The following MIPOL1 variants were observed in gnomAD, a reference collection of about 807,000 sequenced individuals.
MIPOL1 encodes the protein mirror-image polydactyly 1, also known as mirror-image polydactyly gene 1 protein.
MIPOL1 carries 57 observed loss-of-function variants against 60.9 expected under a neutral mutation model. The ratio of observed to expected loss-of-function variants is 0.94; its 90% CI spans 0.76 to 1.17. The LOEUF (loss-of-function observed/expected upper bound fraction) is 1.17, where lower values mean the gene tolerates loss of function less well. Among genes scored for constraint, MIPOL1 ranks in the 50% most tolerant of loss-of-function variants. The pLI, the probability that MIPOL1 is intolerant of heterozygous loss-of-function variation, is 0.00. For missense variants in MIPOL1, 551 were observed against 511.6 expected (o/e 1.08, Z -0.74); for synonymous variants, 179 against 168.8 (o/e 1.06, Z -0.47).
At chr14:37,241,108 T>C (rs1251817488) in intron 1 of MIPOL1, among the ~76,000 whole-genome samples, 2 of 152,128 alleles carry the variant, frequency 1.3e-5, no homozygotes, top group African/African-American at 4.8e-5. Flanking sequence ...GGAGAGCTGA[T>C]GGTATATTTC....
chr14:37,481,563 ACACACAC>A (rs2094867378), intron 11 of MIPOL1, among the ~76,000 whole-genome samples: 1 of 51,270 alleles, frequency 2.0e-5, no homozygotes, highest in African/African-American at 5.9e-5. Context: ...CCCCCCCAAC[ACACACAC>A]ACACACACAC....
chr14:37,516,557 T>G (rs2095370766), intron 12 of MIPOL1, among the ~76,000 whole-genome samples: 1 of 152,196 alleles, frequency 6.6e-6, no homozygotes, highest in Admixed American at 6.5e-5. Context: ...ATTCTCAGAA[T>G]AGAACTTTTT....
chr14:37,277,565 G>A (rs2083770550), intron 6 of MIPOL1: 1 of 151,054 alleles, frequency 6.6e-6, no homozygotes, highest in Non-Finnish European at 1.5e-5. Flanking sequence ...TAGTAATCGA[G>A]GGTTTTTTAA....
chr14:37,294,177 C>T (rs1403247551), intron 7 of MIPOL1, among the ~76,000 whole-genome samples: 1 of 152,200 alleles, frequency 6.6e-6, no homozygotes, highest in Non-Finnish European at 1.5e-5. Flanking sequence ...GCAGCCACCA[C>T]TGCTGATACC....
chr14:37,268,869 C>A (rs2083078199), intron 5 of MIPOL1, 76 bp downstream of exon 5: 1 of 1,199,998 alleles, frequency 8.3e-7, no homozygotes, highest in Admixed American at 2.9e-5. Context: ...TGTTGCCCAT[C>A]ATAATTCAGT....
At chr14:37,337,382 T>G (rs1291781520) in intron 9 of MIPOL1, among the ~76,000 whole-genome samples, 1 of 108,422 alleles carries the variant, frequency 9.2e-6, no homozygotes, top group Non-Finnish European at 1.9e-5. Flanking sequence ...TTTTTTTTTT[T>G]TTTTGAGACA....
At chr14:37,227,586 T>A (rs1286596968) in intron 1 of MIPOL1, 3 of 152,194 alleles carry the variant, frequency 2.0e-5, no homozygotes, top group African/African-American at 4.8e-5. Flanking sequence ...TGTTGACATT[T>A]GTTGTTATTG....
At chr14:37,220,169 C>T (rs1484921163) in intron 1 of MIPOL1, among the ~76,000 whole-genome samples, 1 of 152,028 alleles carries the variant, frequency 6.6e-6, no homozygotes, top group Non-Finnish European at 1.5e-5. Context: ...AAGTGTTCGT[C>T]ACATAATTAG....
chr14:37,338,413 C>G (rs1458496988), intron 9 of MIPOL1, among the ~76,000 whole-genome samples: 1 of 7,806 alleles, frequency 1.3e-4, no homozygotes, highest in East Asian at 8.8e-3. Flanking sequence ...CCTGGCCCCC[C>G]CTTTTTTTTT....
intron 6 of MIPOL1, among the ~76,000 whole-genome samples, chr14:37,272,112 A>G (rs1240596510): frequency 6.6e-6 from 1 of 151,588 alleles, no homozygotes. Flanking sequence ...TATATTAATA[A>G]ATGTCAATTA....
chr14:37,367,565 T>A (rs1230846058), intron 9 of MIPOL1, among the ~76,000 whole-genome samples: 3 of 152,024 alleles, frequency 2.0e-5, no homozygotes, highest in Admixed American at 1.3e-4. Context: ...AAGTTTCTAC[T>A]TTCATTTCTT....
chr14:37,367,154 C>T (rs1324652192), intron 9 of MIPOL1, among the ~76,000 whole-genome samples: 2 of 151,818 alleles, frequency 1.3e-5, no homozygotes, highest in Non-Finnish European at 2.9e-5. Flanking sequence ...TATGCCACTT[C>T]CTGATGAATA....
At chr14:37,489,656 G>T (rs894090015) in intron 11 of MIPOL1, among the ~76,000 whole-genome samples, 2 of 152,202 alleles carry the variant, frequency 1.3e-5, no homozygotes, top group African/African-American at 4.8e-5. Flanking sequence ...TTTTGTTGAT[G>T]TTGATGCTAT....
At chr14:37,214,746 G>T (rs1261453238) in intron 1 of MIPOL1, among the ~76,000 whole-genome samples, 1 of 152,202 alleles carries the variant, frequency 6.6e-6, no homozygotes, top group Admixed American at 6.5e-5. Flanking sequence ...CCTGGACAGG[G>T]CTACTAGAGG....
chr14:37,217,081 C>T (rs1052404953), intron 1 of MIPOL1, among the ~76,000 whole-genome samples: 1 of 152,074 alleles, frequency 6.6e-6, no homozygotes, highest in Non-Finnish European at 1.5e-5. Flanking sequence ...GACATTACAA[C>T]TGATACTGCA....
chr14:37,266,247 G>A (rs2153384034), intron 3 of MIPOL1, among the ~76,000 whole-genome samples: 1 of 152,208 alleles, frequency 6.6e-6, no homozygotes, highest in Non-Finnish European at 1.5e-5. Flanking sequence ...CAAAGAAAGA[G>A]AACTATAAAA....
At chr14:37,399,032 A>C (rs1288664572) in intron 10 of MIPOL1, among the ~76,000 whole-genome samples, 3 of 152,224 alleles carry the variant, frequency 2.0e-5, no homozygotes, top group African/African-American at 7.2e-5. Flanking sequence ...GATATACTAT[A>C]GAAAGCAAGA....
intron 12 of MIPOL1, among the ~76,000 whole-genome samples, chr14:37,537,760 T>C (rs1414039517): frequency 6.6e-6 from 1 of 152,184 alleles, no homozygotes; most frequent in African/African-American, 2.4e-5. Context: ...TTCCAGTGAA[T>C]ATATATTGAA....
intron 9 of MIPOL1, among the ~76,000 whole-genome samples, chr14:37,350,050 T>G (rs2091240453): frequency 6.6e-6 from 1 of 152,204 alleles, no homozygotes; most frequent in Non-Finnish European, 1.5e-5. Context: ...ACAGTTTGTA[T>G]TATTTCCTGT....
Sources: allele counts gnomAD v4.1 joint callset (sites outside exome capture counted in the v4.1 genomes callset), GRCh38; gene constraint gnomAD v4.1.1; transcripts MANE v1.5; gene names NCBI Gene and HGNC (gene_info 2026-07-23, HGNC 2026-07-21).